Variants in THADA observed in about 807,000 individuals in gnomAD.
THADA encodes tRNA (32-2'-O)-methyltransferase regulator THADA.
A neutral mutation model predicts 219.8 loss-of-function variants in THADA; 213 were observed. The observed-to-expected ratio is 0.97, with a 90% CI of 0.87 to 1.09. THADA has a LOEUF of 1.09. Among genes scored for constraint, THADA ranks in the 50% least tolerant of loss-of-function variants. The pLI is 0.00. For missense variants in THADA, 2,956 were observed against 2,311.3 expected, an observed-to-expected ratio of 1.28 and a Z score of -5.72; for synonymous variants, 1,018 against 828.9, an observed-to-expected ratio of 1.23 and a Z score of -3.92.
intron 31 of THADA, among the ~76,000 whole-genome samples, chr2:43,309,002 C>T (rs577569561): frequency 1.3e-5 from 2 of 152,220 alleles, no homozygotes; most frequent in South Asian, 4.1e-4. Flanking sequence ...AATGTCTGCT[C>T]TTCAAAAGAC....
chr2:43,489,478 T>G (rs1415381103), intron 25 of THADA, among the ~76,000 whole-genome samples: 1 of 152,204 alleles, frequency 6.6e-6, no homozygotes, highest in African/African-American at 2.4e-5. Context: ...GTACAAAAAT[T>G]TACCCAGGTC....
intron 29 of THADA, among the ~76,000 whole-genome samples, chr2:43,357,662 C>CATAT (rs1390056020): frequency 6.6e-6 from 1 of 152,108 alleles, no homozygotes; most frequent in Non-Finnish European, 1.5e-5. Context: ...GATAGTCCTA[C>CATAT]ATATATCCTG....
rs1396021967 is a variant in THADA, at chr2:43,549,943, G to GT, written c.2948-576dup. Among the ~76,000 whole-genome samples the GT allele has an allele frequency of 9.9e-5, 15 of 152,116 alleles. No homozygotes were observed. The East Asian group carries it at 2.1e-3, about 22-fold the overall frequency. ...CAATCTTTTATAGGACAGGAATATC[G>GT]TAACGACTCCACAACTTTGAAACAC... On this transcript the variant is annotated intron_variant, in intron 19 of 37. Transcript: ENST00000405975.
At chr2:43,503,154 A>C (rs1036009476) in intron 24 of THADA, among the ~76,000 whole-genome samples, 1 of 152,230 alleles carries the variant, frequency 6.6e-6, no homozygotes, top group Non-Finnish European at 1.5e-5. Flanking sequence ...TGGAGACAAC[A>C]TAACAGCATC....
chr2:43,295,610 A>C (rs974925166), intron 31 of THADA, among the ~76,000 whole-genome samples: 3 of 152,226 alleles, frequency 2.0e-5, no homozygotes, highest in Non-Finnish European at 4.4e-5. Context: ...AGTGATACGC[A>C]TTTATAGCTA....
chr2:43,335,381 T>G (rs1666298226), intron 30 of THADA, among the ~76,000 whole-genome samples: 1 of 152,190 alleles, frequency 6.6e-6, no homozygotes, highest in African/African-American at 2.4e-5. Context: ...GTGAACTGTG[T>G]GAAAACGGAT....
chr2:43,493,828 G>T (rs1687947849), intron 25 of THADA, among the ~76,000 whole-genome samples: 1 of 152,014 alleles, frequency 6.6e-6, no homozygotes. Flanking sequence ...TCTTTGCTGA[G>T]CCACCACCAT....
At chr2:43,349,884 C>A (rs936646705) in intron 29 of THADA, among the ~76,000 whole-genome samples, 2 of 152,204 alleles carry the variant, frequency 1.3e-5, no homozygotes, top group African/African-American at 2.4e-5. Context: ...GACCCTATCA[C>A]CTTCAGCCAA....
At chr2:43,435,004 T>A (rs1573631096) in intron 26 of THADA, among the ~76,000 whole-genome samples, 1 of 152,158 alleles carries the variant, frequency 6.6e-6, no homozygotes, top group African/African-American at 2.4e-5. Flanking sequence ...CCCTACAGGT[T>A]TGAGCAGCTG....
chr2:43,422,400 C>G (rs1044027697), intron 28 of THADA, among the ~76,000 whole-genome samples: 42 of 152,264 alleles, frequency 2.8e-4, no homozygotes, highest in African/African-American at 9.6e-4. Context: ...TCGACAGATA[C>G]TAGTTCTTCA....
chr2:43,318,572 A>G (rs1340933605), intron 31 of THADA, among the ~76,000 whole-genome samples: 1 of 152,212 alleles, frequency 6.6e-6, no homozygotes, highest in African/African-American at 2.4e-5. Context: ...CAAGATCCAC[A>G]TATGACTAGT....
intron 30 of THADA, chr2:43,333,339 C>G (rs1372020909): frequency 6.6e-6 from 1 of 152,076 alleles, no homozygotes; most frequent in Non-Finnish European, 1.5e-5. Context: ...TCATTCAAAT[C>G]TGCATGAGGC....
chr2:43,495,525 A>T (rs535669207), intron 25 of THADA, among the ~76,000 whole-genome samples: 1 of 152,312 alleles, frequency 6.6e-6, no homozygotes, highest in Admixed American at 6.5e-5. Flanking sequence ...CGGTAATTTA[A>T]CAGGTGACTT....
intron 20 of THADA, among the ~76,000 whole-genome samples, chr2:43,543,677 T>C (rs1028696648): frequency 1.3e-5 from 2 of 152,244 alleles, no homozygotes; most frequent in African/African-American, 2.4e-5. Flanking sequence ...TGTCTTCTTT[T>C]GAGAAGTTCT....
intron 26 of THADA, among the ~76,000 whole-genome samples, chr2:43,471,745 T>G (rs1424176950): frequency 1.3e-5 from 2 of 152,240 alleles, no homozygotes; most frequent in African/African-American, 4.8e-5. Flanking sequence ...TCCTAATTAA[T>G]GATTGTTCCC....
intron 30 of THADA, among the ~76,000 whole-genome samples, chr2:43,331,643 G>A (rs935222173): frequency 6.6e-6 from 1 of 152,048 alleles, no homozygotes; most frequent in Non-Finnish European, 1.5e-5. Flanking sequence ...TACATCACAT[G>A]CACTCCCTCC....
intron 36 of THADA, among the ~76,000 whole-genome samples, chr2:43,276,863 C>T (rs1672781578): frequency 6.6e-6 from 1 of 152,136 alleles, no homozygotes; most frequent in African/African-American, 2.4e-5. Flanking sequence ...CAGAGGCATG[C>T]CTTGTTATTT....
At chr2:43,595,432 G>A (rs1287820486) in intron 1 of THADA, among the ~76,000 whole-genome samples, 1 of 152,218 alleles carries the variant, frequency 6.6e-6, no homozygotes, top group Non-Finnish European at 1.5e-5. Flanking sequence ...CCTAACTAGG[G>A]AGACTATTCT....
intron 12 of THADA, 31 bp downstream of exon 12, chr2:43,572,783 T>G (rs774971294): frequency 1.3e-5 from 21 of 1,603,732 alleles, no homozygotes; most frequent in Non-Finnish European, 1.7e-5. Context: ...ATCTACTGCA[T>G]GTACAAATCC....
Sources: gnomAD v4.1 joint callset for allele counts (sites outside exome capture counted in the v4.1 genomes callset) on GRCh38, gnomAD v4.1.1 for gene constraint, MANE v1.5 for transcripts, NCBI Gene and HGNC (gene_info 2026-07-23, HGNC 2026-07-21) for gene names.